The following CHAC1 variants were observed in gnomAD, a reference collection of about 807,000 sequenced individuals.
CHAC1 encodes glutathione-specific gamma-glutamylcyclotransferase 1.
CHAC1 carries 22 observed loss-of-function variants against 22.1 expected under a neutral mutation model. The observed-to-expected ratio is 1.00, with a 90% CI of 0.71 to 1.42. The LOEUF (loss-of-function observed/expected upper bound fraction) is 1.42. Among genes scored for constraint, CHAC1 ranks in the 40% most tolerant of loss-of-function variants. The pLI, the probability that CHAC1 is intolerant of heterozygous loss-of-function variation, is 0.00. For synonymous variants in CHAC1, 145 were observed against 128.7 expected, an observed-to-expected ratio of 1.13 and a Z score of -0.86; for missense variants, 272 against 299.2, an observed-to-expected ratio of 0.91 and a Z score of 0.67.
Position 40,955,771 on chromosome 15 carries a change from G to A in CHAC1, c.666G>A (p.Val222=). The A allele has an allele frequency of 1.3e-6, 2 of 1,590,992 alleles. No homozygotes were observed. Among genetic ancestry groups the A allele is most frequent in the South Asian group, 1.1e-5 (1 of 90,028 alleles). ...FCPTEQALAL[V] ...CCACCGAGCAGGCTCTGGCGCTGGT[G>A]TGAGGGGCTGAGCCCCTGCGGGGAG... The change falls in exon 3 of 3, where the codon GTG becomes GTA. Residue 222 remains valine (V), a synonymous_variant. Coordinates refer to ENST00000617768, the MANE Select transcript of CHAC1 (RefSeq NM_024111.6).
chr15:40,955,878 T>A lies in CHAC1; in HGVS notation c.*104T>A. Reference sequence around the variant, plus strand: ...ACCGCTTGAGCCCACTGAGCAGATATGGTGGGTGGCTGGAGGCTTCTCTTT... The same window carrying A: ...ACCGCTTGAGCCCACTGAGCAGATAAGGTGGGTGGCTGGAGGCTTCTCTTT... On this transcript the variant is annotated 3_prime_UTR_variant, in exon 3 of 3. Transcript: ENST00000617768. The A allele has an allele frequency of 8.0e-7, 1 of 1,248,858 alleles. No homozygotes were observed. The highest frequency in any genetic ancestry group is 1.1e-6 in the Non-Finnish European group (1 of 928,486). 77.4% of individuals were successfully genotyped at this position (1,248,858 alleles called of 1,614,324 possible).
Position 40,955,812 on chromosome 15 carries a change from C to G in CHAC1, c.*38C>G, listed in dbSNP as rs766143019. The G allele has an allele frequency of 4.0e-5, 62 of 1,531,828 alleles. No individual in the cohort carries two copies. Among genetic ancestry groups the G allele is most frequent in the Non-Finnish European group, 4.9e-5 (56 of 1,144,070 alleles). The allele number at this position is 1,531,828 out of a possible 1,614,324, so 94.9% of individuals were successfully genotyped here. On this transcript the variant is annotated 3_prime_UTR_variant, in exon 3 of 3. Transcript: ENST00000617768. ...CTGCGGGGAGTGCTCATGTGGACATCAGGGCCAGACACCCACTCCAGTGCA... is the reference window on the plus strand; with the variant it reads ...CTGCGGGGAGTGCTCATGTGGACATGAGGGCCAGACACCCACTCCAGTGCA...
Position 40,955,723 on chromosome 15 carries a change from C to T in CHAC1, c.618C>T (p.Gly206=), listed in dbSNP as rs779814460. Residue 206 remains glycine, a synonymous_variant, in exon 3 of 3, where the codon GGC becomes GGT. Coordinates refer to ENST00000617768, the MANE Select transcript of CHAC1 (RefSeq NM_024111.6). ...EHLAAIVDAV[G]TMLPCFCPTE... is the part of the protein sequence containing the mutation. ...TGGCAGCCATCGTGGACGCTGTGGGCACCATGTTGCCCTGCTTCTGCCCCA... is the reference window on the plus strand; with the variant it reads ...TGGCAGCCATCGTGGACGCTGTGGGTACCATGTTGCCCTGCTTCTGCCCCA... 2 of 1,604,342 alleles carry T rather than the reference C, an allele frequency of 1.2e-6. No individual in the cohort carries two copies. Among genetic ancestry groups the T allele is most frequent in the East Asian group, 2.2e-5 (1 of 44,874 alleles).
Position 40,953,793 on chromosome 15 carries a change from C to T in CHAC1, c.210C>T (p.Phe70=), listed in dbSNP as rs1321222769. The change falls in exon 1 of 3, where the codon TTC becomes TTT. Residue 70 remains phenylalanine, a synonymous_variant. Transcript: ENST00000617768. ...GCCGTTTCTGGCAGGGAGACACCTT[C>T]CATCGGGGCAGCGACAAGATGGTGA... ...YSRRFWQGDT[F]HRGSDKMPGR... is the part of the protein sequence containing the mutation. 1 of 1,594,118 alleles carries T rather than the reference C, an allele frequency of 6.3e-7. No individual in the cohort carries two copies. The highest frequency in any genetic ancestry group is 2.2e-5 in the East Asian group (1 of 44,758).
At position 40,956,308 on chromosome 15, in the gene CHAC1, T is replaced by C. The variant is rs903421290; in HGVS notation, c.*534T>C. 1 of 155,282 alleles carries C rather than the reference T, an allele frequency of 6.4e-6. No homozygotes were observed. The highest frequency in any genetic ancestry group is 1.4e-5 in the Non-Finnish European group (1 of 70,148). 9.6% of individuals were successfully genotyped at this position (155,282 alleles called of 1,614,324 possible). On this transcript the variant is annotated 3_prime_UTR_variant, in exon 3 of 3. Transcript: ENST00000617768. ...CAGTTCCCCAGAGCAGAGCTGGAGCTGATGCCTGGACACAGCTGCTGAGCC... is the reference window on the plus strand; with the variant it reads ...CAGTTCCCCAGAGCAGAGCTGGAGCCGATGCCTGGACACAGCTGCTGAGCC...
chr15:40,954,949 T>C lies in CHAC1; in HGVS notation c.268-424T>C, dbSNP rs530374391. 2.0e-5 allele frequency among the ~76,000 whole-genome samples: 3 copies of C among 150,782 alleles called. No individual in the cohort carries two copies. The East Asian group carries it at 5.9e-4, about 29-fold the overall frequency. The stretch of plus-strand genomic sequence containing the variant: ...TTTTTTTAAGACGGAGTCTTACCCT[T>C]GTCACCCAGGCTGAAGTCACTGCAA... On this transcript the variant is annotated intron_variant, in intron 2 of 2. Coordinates refer to ENST00000617768, the MANE Select transcript of CHAC1 (RefSeq NM_024111.6).
chr15:40,955,342 A>G, intron 2 of CHAC1, 31 bp from the exon 3 acceptor site: 1 of 1,609,818 alleles, frequency 6.2e-7, no homozygotes, highest in Non-Finnish European at 8.5e-7. Flanking sequence ...AGCTGTCATG[A>G]CTGACCCCGG....
rs148041590 is a variant in CHAC1, at chr15:40,955,043, C to T, written c.268-330C>T. ...CGAGTAGCTGGGTTACAGGCGTACG[C>T]CACCATGCCTGGCTAATTTTTGTAT... On this transcript the variant is annotated intron_variant, in intron 2 of 2. Transcript: ENST00000617768. 2.0e-5 allele frequency among the ~76,000 whole-genome samples: 3 copies of T among 152,226 alleles called. No individual in the cohort carries two copies. The East Asian group carries it at 5.8e-4, about 29-fold the overall frequency.
At chr15:40,954,809 G>A (rs1893196203) in intron 2 of CHAC1, among the ~76,000 whole-genome samples, 1 of 151,812 alleles carries the variant, frequency 6.6e-6, no homozygotes, top group South Asian at 2.1e-4. Context: ...TCACCATATT[G>A]GCCAGGCTGG....
At chr15:40,954,337 TTGGCTGCAGGCTAG>T in intron 2 of CHAC1, 74 bp downstream of exon 2, 2 of 1,489,024 alleles carry the variant, frequency 1.3e-6, no homozygotes, top group Non-Finnish European at 1.9e-6. Flanking sequence ...TCATAGGCTC[TTGGCTGCAGGCTAG>T]CTCTGTCTGA....
intron 1 of CHAC1, 41 bp downstream of exon 1, chr15:40,953,855 G>A (rs1334791455): frequency 1.3e-6 from 2 of 1,486,934 alleles, no homozygotes; most frequent in East Asian, 2.3e-5. Flanking sequence ...GGGGGTTGGG[G>A]GCGGGATACT....
In CHAC1 at chr15:40,953,748, C is replaced by T; in HGVS notation, c.165C>T (p.Gly55=). Residue 55 remains glycine (G), a synonymous_variant, in exon 1 of 3, where the codon GGC becomes GGT. Coordinates refer to ENST00000617768, the MANE Select transcript of CHAC1 (RefSeq NM_024111.6). The stretch of plus-strand genomic sequence containing the variant: ...TCGCCTACAGCGACAGCCGTGTGGG[C>T]TTCGTGCGCGGCTACAGCCGCCGTT... ...PDFAYSDSRV[G]FVRGYSRRFW... is the part of the protein sequence containing the mutation. 3 of 1,601,788 alleles carry T rather than the reference C, an allele frequency of 1.9e-6. No individual in the cohort carries two copies. Among genetic ancestry groups the T allele is most frequent in the Non-Finnish European group, 2.5e-6 (3 of 1,179,704 alleles).
intron 1 of CHAC1, 138 bp downstream of exon 1, chr15:40,953,952 A>G (rs545056470): frequency 1.5e-5 from 11 of 734,312 alleles, no homozygotes; most frequent in Admixed American, 8.6e-5. Context: ...TGGCTCATTT[A>G]AATGTATGTG....
In CHAC1 at chr15:40,955,918, G is replaced by A. The variant is rs1245055588; in HGVS notation, c.*144G>A. 5 of 796,336 alleles carry A rather than the reference G, an allele frequency of 6.3e-6. No homozygotes were observed. The highest frequency in any genetic ancestry group is 2.9e-5 in the Admixed American group (1 of 33,972). 49.3% of individuals were successfully genotyped at this position (796,336 alleles called of 1,614,324 possible). A position where few individuals can be genotyped will look rare whatever the true frequency, so the allele number is the denominator to read the frequency against. ...GGCTTCTCTTTCTCAGTCCCTGCCT[G>A]TCTGCCAGCCTGCAGCTCTCCTGCT... On this transcript the variant is annotated 3_prime_UTR_variant, in exon 3 of 3. Coordinates refer to ENST00000617768, the MANE Select transcript of CHAC1 (RefSeq NM_024111.6).
At chr15:40,954,095 C>T (rs1893174810) in intron 1 of CHAC1, 133 bp from the exon 2 acceptor site, 1 of 916,664 alleles carries the variant, frequency 1.1e-6, no homozygotes, top group East Asian at 2.5e-5. Flanking sequence ...CCACCTTCCC[C>T]TGCATGAATG....
In CHAC1 at chr15:40,953,479, C is replaced by A. The variant is rs767629339; in HGVS notation, c.-105C>A. 4 of 1,508,388 alleles carry A rather than the reference C, an allele frequency of 2.7e-6. No homozygotes were observed. The highest frequency in any genetic ancestry group is 2.5e-5 in the South Asian group (2 of 79,094). The allele number at this position is 1,508,388 out of a possible 1,614,324, so 93.4% of individuals were successfully genotyped here. A position where few individuals can be genotyped will look rare whatever the true frequency, so the allele number is the denominator to read the frequency against. On this transcript the variant is annotated 5_prime_UTR_variant, in exon 1 of 3. Transcript: ENST00000617768. ...CTCCATGGGGGGCGCTCAGCTGGAG[C>A]TACCGAGCGGTGCCAGGCCAGGTGT...
At position 40,953,479 on chromosome 15, in the gene CHAC1, C is replaced by G; in HGVS notation, c.-105C>G. 1 of 1,508,388 alleles carries G rather than the reference C, an allele frequency of 6.6e-7. No individual in the cohort carries two copies. Among genetic ancestry groups the G allele is most frequent in the South Asian group, 1.3e-5 (1 of 79,094 alleles). 93.4% of individuals were successfully genotyped at this position (1,508,388 alleles called of 1,614,324 possible). A position where few individuals can be genotyped will look rare whatever the true frequency, so the allele number is the denominator to read the frequency against. ...CTCCATGGGGGGCGCTCAGCTGGAG[C>G]TACCGAGCGGTGCCAGGCCAGGTGT... On this transcript the variant is annotated 5_prime_UTR_variant, in exon 1 of 3. Coordinates refer to ENST00000617768, the MANE Select transcript of CHAC1 (RefSeq NM_024111.6).
chr15:40,953,546 C>T lies in CHAC1; in HGVS notation c.-38C>T. 2 of 1,608,034 alleles carry T rather than the reference C, an allele frequency of 1.2e-6. No individual in the cohort carries two copies. Among genetic ancestry groups the T allele is most frequent in the South Asian group, 2.2e-5 (2 of 91,016 alleles). The stretch of plus-strand genomic sequence containing the variant: ...TTCCGTGCCCACGCCGGAGACCAGC[C>T]CCGGAGGCCGCCTGGGCCTATCCCT... On this transcript the variant is annotated 5_prime_UTR_variant, in exon 1 of 3. Transcript: ENST00000617768.
At position 40,955,955 on chromosome 15, in the gene CHAC1, T is replaced by TA; in HGVS notation, c.*182dup. The TA allele has an allele frequency of 3.1e-6, 2 of 647,994 alleles. No homozygotes were observed. The highest frequency in any genetic ancestry group is 5.2e-6 in the Non-Finnish European group (2 of 385,088). The allele number at this position is 647,994 out of a possible 1,614,324, so 40.1% of individuals were successfully genotyped here. A position where few individuals can be genotyped will look rare whatever the true frequency, so the allele number is the denominator to read the frequency against. ...GCAGCTCTCCTGCTTGACACTGACTTACTACTTGAAACTTTATTTATTGCA... is the reference window on the plus strand; with the variant it reads ...GCAGCTCTCCTGCTTGACACTGACTTAACTACTTGAAACTTTATTTATTGCA... On this transcript the variant is annotated 3_prime_UTR_variant, in exon 3 of 3. Transcript: ENST00000617768.
Sources: gnomAD v4.1 joint callset for allele counts (sites outside exome capture counted in the v4.1 genomes callset) on GRCh38, gnomAD v4.1.1 for gene constraint, MANE v1.5 for transcripts, NCBI Gene and HGNC (gene_info 2026-07-23, HGNC 2026-07-21) for gene names.